Variants in HLCS observed in about 807,000 individuals in gnomAD.
HLCS encodes biotin--protein ligase.
In HLCS, 53 loss-of-function variants were observed where a neutral mutation model predicts 75.0. The observed-to-expected ratio is 0.71, with a 90% confidence interval of 0.57 to 0.89. The LOEUF is 0.89. HLCS is among the 40% of genes least tolerant of loss of function. The probability of loss-of-function intolerance (pLI) is 0.00; values close to 1 mark genes in which losing one functional copy is unlikely to be tolerated. For synonymous variants in HLCS, 431 were observed against 428.6 expected (o/e 1.01, Z -0.07); for missense variants, 966 against 1,074.0 (o/e 0.90, Z 1.41).
At chr21:36,962,616 T>G (rs1231953531) in intron 1 of HLCS, among the ~76,000 whole-genome samples, 1 of 151,726 alleles carries the variant, frequency 6.6e-6, no homozygotes, top group Non-Finnish European at 1.5e-5. Context: ...GGTGAAACCT[T>G]ATCTCTACAA....
chr21:36,846,447 C>A (rs372530240), intron 6 of HLCS, among the ~76,000 whole-genome samples: 2 of 152,000 alleles, frequency 1.3e-5, no homozygotes, highest in African/African-American at 4.8e-5. Context: ...TCCAACCAGG[C>A]AGGGCAGTTC....
chr21:36,931,283 CAAAAAAAAAAAA>C (rs57829948), intron 4 of HLCS, among the ~76,000 whole-genome samples: 2 of 75,448 alleles, frequency 2.7e-5, no homozygotes, highest in East Asian at 3.8e-4. Context: ...AACTCCATCG[CAAAAAAAAAAAA>C]AAAAAAAAAA....
chr21:36,932,414 T>C lies in HLCS; in HGVS notation c.1438-1981A>G, dbSNP rs1324415974. On this transcript the variant is annotated intron_variant, in intron 4 of 10. Coordinates refer to ENST00000674895, the MANE Select transcript of HLCS (RefSeq NM_001352514.2). Reference sequence around the variant, plus strand: ...CTTACTGAGGAAGGCATACGATTTCTTGGACACCAGAAAGGCCTTTCCTCC... The same window carrying C: ...CTTACTGAGGAAGGCATACGATTTCCTGGACACCAGAAAGGCCTTTCCTCC... Among the ~76,000 whole-genome samples the C allele has an allele frequency of 3.9e-5, 6 of 152,208 alleles. No individual in the cohort carries two copies. The East Asian group carries it at 7.7e-4, about 20-fold the overall frequency.
chr21:36,906,433 C>T (rs1447410808), intron 5 of HLCS, among the ~76,000 whole-genome samples: 1 of 152,148 alleles, frequency 6.6e-6, no homozygotes, highest in Admixed American at 6.5e-5. Flanking sequence ...AGTCAGGAGG[C>T]TGAGGTGAGA....
intron 5 of HLCS, among the ~76,000 whole-genome samples, chr21:36,912,213 A>C (rs1057348612): frequency 6.6e-6 from 1 of 152,174 alleles, no homozygotes; most frequent in Non-Finnish European, 1.5e-5. Flanking sequence ...ACAACAGCCA[A>C]GGCTGGAAAT....
chr21:36,797,094 T>C (rs1192553236), intron 6 of HLCS, among the ~76,000 whole-genome samples: 2 of 152,254 alleles, frequency 1.3e-5, no homozygotes, highest in South Asian at 2.1e-4. Flanking sequence ...CTCAAACTCC[T>C]GACCTCAAGT....
At chr21:36,803,194 A>G (rs2061259795) in intron 6 of HLCS, among the ~76,000 whole-genome samples, 1 of 152,200 alleles carries the variant, frequency 6.6e-6, no homozygotes, top group African/African-American at 2.4e-5. Flanking sequence ...TGTCTGGCAC[A>G]TCTTCTTCCA....
intron 6 of HLCS, among the ~76,000 whole-genome samples, chr21:36,863,510 G>T (rs1362840366): frequency 6.6e-6 from 1 of 152,178 alleles, no homozygotes; most frequent in Admixed American, 6.5e-5. Flanking sequence ...GGAAAGAGAG[G>T]CTGGGGCCAG....
Position 36,988,169 on chromosome 21 carries a change from T to C in HLCS, c.-393+1989A>G, listed in dbSNP as rs146967767. Among the ~76,000 whole-genome samples, 32 of 152,328 alleles carry C rather than the reference T, an allele frequency of 2.1e-4. No individual in the cohort carries two copies. In the East Asian group the frequency reaches 5.8e-3, roughly 28 times the overall value. On this transcript the variant is annotated intron_variant, in intron 1 of 11. Transcript: ENST00000336648. ...AGATGTGTCATTTCCTCTTAGACTT[T>C]CACCCCATTCTCATCCACCCACTGC...
intron 6 of HLCS, among the ~76,000 whole-genome samples, chr21:36,796,514 T>C (rs893505329): frequency 1.3e-5 from 2 of 152,188 alleles, no homozygotes; most frequent in African/African-American, 4.8e-5. Context: ...CAATCTGTTT[T>C]AGATGTATAA....
At chr21:36,803,187 C>A (rs1007154907) in intron 6 of HLCS, among the ~76,000 whole-genome samples, 1 of 152,210 alleles carries the variant, frequency 6.6e-6, no homozygotes, top group African/African-American at 2.4e-5. Flanking sequence ...AAGTGGCTGT[C>A]TGGCACATCT....
At chr21:36,812,165 T>A (rs750525740) in intron 6 of HLCS, among the ~76,000 whole-genome samples, 3 of 152,162 alleles carry the variant, frequency 2.0e-5, no homozygotes, top group Admixed American at 2.0e-4. Context: ...GAGGTGTGTG[T>A]ATAGCCAGGT....
intron 6 of HLCS, among the ~76,000 whole-genome samples, chr21:36,870,990 AGAG>A (rs1396069402): frequency 6.6e-6 from 1 of 152,172 alleles, no homozygotes; most frequent in Non-Finnish European, 1.5e-5. Flanking sequence ...TACATTAATG[AGAG>A]TATTTTCAAT....
intron 6 of HLCS, among the ~76,000 whole-genome samples, chr21:36,833,563 G>A (rs1420839389): frequency 7.0e-6 from 1 of 143,250 alleles, no homozygotes; most frequent in South Asian, 2.2e-4. Context: ...CCAGCCTGAG[G>A]GAGAGAGTTG....
chr21:36,970,545 T>C (rs974329685), upstream of HLCS, among the ~76,000 whole-genome samples: 6 of 152,194 alleles, frequency 3.9e-5, no homozygotes, highest in Non-Finnish European at 7.3e-5. Context: ...TTTTTATATT[T>C]TTTTGTAGAG....
At chr21:36,763,334 C>T (rs1320384110) in intron 8 of HLCS, among the ~76,000 whole-genome samples, 2 of 152,198 alleles carry the variant, frequency 1.3e-5, no homozygotes, top group African/African-American at 4.8e-5. Flanking sequence ...TGATTGCTTC[C>T]TGCTAGACAG....
In HLCS at chr21:36,930,432, A is replaced by C; in HGVS notation, c.1439T>G (p.Val480Gly). The part of the protein sequence containing the change: ...TRGGEAVLCQ[V>G]HLELPPSSNI... ...GGAGCTGGGAGGTAGTTCTAAGTGCACCTGAAGGGGAAAGATAGCACTATG... is the reference window on the plus strand; with the variant it reads ...GGAGCTGGGAGGTAGTTCTAAGTGCCCCTGAAGGGGAAAGATAGCACTATG... Residue 480 changes from valine (V) to glycine (G), a missense_variant and splice_region_variant, in exon 5 of 11, where the codon GTG (valine) becomes GGG (glycine). Coordinates refer to ENST00000674895, the MANE Select transcript of HLCS (RefSeq NM_001352514.2). 3 of 1,613,458 alleles carry C rather than the reference A, an allele frequency of 1.9e-6. No homozygotes were observed. Among genetic ancestry groups the C allele is most frequent in the Non-Finnish European group, 2.5e-6 (3 of 1,179,364 alleles).
intron 6 of HLCS, among the ~76,000 whole-genome samples, chr21:36,809,406 C>T (rs1375159793): frequency 1.3e-5 from 2 of 152,102 alleles, no homozygotes; most frequent in African/African-American, 4.8e-5. Context: ...TTGCAAGAAC[C>T]AGCGTGGGAT....
At chr21:36,985,769 GAAAAA>G (rs781350642) in intron 1 of HLCS, among the ~76,000 whole-genome samples, 2 of 116,860 alleles carry the variant, frequency 1.7e-5, no homozygotes, top group South Asian at 6.4e-4. Flanking sequence ...TGGTCTTGGG[GAAAAA>G]AAAAAAAAAA....
Sources: allele counts gnomAD v4.1 joint callset (sites outside exome capture counted in the v4.1 genomes callset), GRCh38; gene constraint gnomAD v4.1.1; transcripts MANE v1.5; gene names NCBI Gene and HGNC (gene_info 2026-07-23, HGNC 2026-07-21).